SLC39A11: variants seen among roughly 807,000 people sequenced by gnomAD.
The protein encoded by SLC39A11 is zinc transporter ZIP11.
SLC39A11 carries 33 observed loss-of-function variants against 36.1 expected under a neutral mutation model. That is an observed-to-expected ratio of 0.91 (90% confidence interval 0.69 to 1.22). The LOEUF (loss-of-function observed/expected upper bound fraction) is 1.22. Ranked by LOEUF, SLC39A11 falls within the 50% of genes most tolerant of loss-of-function variation. The pLI, the probability that SLC39A11 is intolerant of heterozygous loss-of-function variation, is 0.00. For missense variants in SLC39A11, 432 were observed against 430.3 expected, an observed-to-expected ratio of 1.00 and a Z score of -0.03; for synonymous variants, 166 against 170.3, an observed-to-expected ratio of 0.97 and a Z score of 0.20.
chr17:72,700,249 C>A (rs1398853143), intron 7 of SLC39A11, among the ~76,000 whole-genome samples: 2 of 152,172 alleles, frequency 1.3e-5, no homozygotes, highest in Middle Eastern at 3.2e-3. Flanking sequence ...AACTTGACTG[C>A]AATTTTATTT....
At chr17:73,029,140 G>T (rs2058662654) in intron 4 of SLC39A11, among the ~76,000 whole-genome samples, 1 of 149,404 alleles carries the variant, frequency 6.7e-6, no homozygotes, top group Admixed American at 6.7e-5. Context: ...AAAAATTACT[G>T]CTGCATAGTG....
intron 5 of SLC39A11, among the ~76,000 whole-genome samples, chr17:72,926,157 C>A (rs2084036652): frequency 6.6e-6 from 1 of 152,194 alleles, no homozygotes; most frequent in African/African-American, 2.4e-5. Context: ...TGAGTAAATT[C>A]CATCATCTTT....
intron 6 of SLC39A11, among the ~76,000 whole-genome samples, chr17:72,773,009 T>C (rs1227407142): frequency 2.6e-5 from 4 of 151,996 alleles, no homozygotes; most frequent in Non-Finnish European, 5.9e-5. Context: ...TCACTTGAAC[T>C]TGGGAGGTGG....
At chr17:72,992,025 C>A (rs1235393893) in intron 4 of SLC39A11, among the ~76,000 whole-genome samples, 1 of 152,154 alleles carries the variant, frequency 6.6e-6, no homozygotes. Context: ...AACCTTTTCT[C>A]ATTTTTTTTG....
chr17:72,823,497 C>T (rs561776581), intron 6 of SLC39A11: 8 of 151,252 alleles, frequency 5.3e-5, no homozygotes, highest in Non-Finnish European at 7.4e-5. Context: ...GATGTTCCCA[C>T]GCTGCATATG....
chr17:72,847,423 A>G (rs932980281), intron 6 of SLC39A11, among the ~76,000 whole-genome samples: 1 of 137,448 alleles, frequency 7.3e-6, no homozygotes, highest in Non-Finnish European at 1.6e-5. Context: ...AAAAAAAAAA[A>G]TTGGAAAACC....
intron 6 of SLC39A11, among the ~76,000 whole-genome samples, chr17:72,799,790 A>AC (rs975072233): frequency 2.7e-4 from 38 of 140,146 alleles, no homozygotes; most frequent in Non-Finnish European, 1.5e-4. Flanking sequence ...CTGAACACAG[A>AC]CCCTTCTCGG....
chr17:72,949,950 G>GACACACACAC, intron 4 of SLC39A11, among the ~76,000 whole-genome samples: 1 of 146,252 alleles, frequency 6.8e-6, no homozygotes, highest in African/African-American at 2.5e-5. Context: ...AGGCTGCTGT[G>GACACACACAC]ACACACACAC....
intron 5 of SLC39A11, among the ~76,000 whole-genome samples, chr17:72,900,651 G>A (rs2082347974): frequency 6.6e-6 from 1 of 151,422 alleles, no homozygotes; most frequent in Non-Finnish European, 1.5e-5. Context: ...AAAGGGATTT[G>A]TGAGGGGGGC....
At chr17:72,946,061 T>C (rs558984108) in intron 5 of SLC39A11, among the ~76,000 whole-genome samples, 26 of 152,256 alleles carry the variant, frequency 1.7e-4, no homozygotes, top group African/African-American at 6.3e-4. Flanking sequence ...TTAGTGAAAA[T>C]AGACAGAAAA....
rs143691053 is a variant in SLC39A11, at chr17:72,788,782, C to T, written c.602-52063G>A. 4.4e-3 allele frequency among the ~76,000 whole-genome samples: 668 copies of T among 152,302 alleles called. 5 individuals are homozygous for T. The highest frequency in any genetic ancestry group is 7.8e-3 in the Admixed American group (120 of 15,298). On this transcript the variant is annotated intron_variant, in intron 6 of 9. Coordinates refer to ENST00000255559, the MANE Select transcript of SLC39A11 (RefSeq NM_139177.4). ...ACAATACTAGAGGCAGGGGCCCCAACCCCAAAGGCTGGGATCAGATGCTGT... is the reference window on the plus strand; with the variant it reads ...ACAATACTAGAGGCAGGGGCCCCAATCCCAAAGGCTGGGATCAGATGCTGT...
chr17:72,897,314 C>T (rs1316289736), intron 5 of SLC39A11, among the ~76,000 whole-genome samples: 1 of 152,152 alleles, frequency 6.6e-6, no homozygotes, highest in East Asian at 1.9e-4. Flanking sequence ...AAGCCACATG[C>T]AGTCATCTAA....
chr17:73,020,687 T>TTTTC lies in SLC39A11; in HGVS notation c.306+10868_306+10869insGAAA, dbSNP rs1458218878. On this transcript the variant is annotated intron_variant, in intron 4 of 9. Transcript: ENST00000255559. ...GGGTCTTTTTGTTTCTTTCTTTTTT[T>TTTTC]TTTTTTTTTTTTTTGAGACGGAGTC... is the stretch of plus-strand genomic sequence containing the variant. Among the ~76,000 whole-genome samples the TTTTC allele has an allele frequency of 6.6e-5, 8 of 121,810 alleles. No homozygotes were observed. In the East Asian group the frequency reaches 1.8e-3, roughly 27 times the overall value. The allele number at this position is 121,810 out of a possible 152,430, so 79.9% of individuals were successfully genotyped here.
chr17:73,063,630 T>C (rs2059912834), intron 3 of SLC39A11, among the ~76,000 whole-genome samples: 1 of 151,842 alleles, frequency 6.6e-6, no homozygotes, highest in South Asian at 2.1e-4. Context: ...AAAATTAAAA[T>C]TAAAATTAAA....
chr17:72,785,636 A>G lies in SLC39A11; in HGVS notation c.602-48917T>C, dbSNP rs117166076. Among the ~76,000 whole-genome samples the G allele has an allele frequency of 8.9e-3, 1,352 of 152,324 alleles. 45 individuals carry two copies. The highest frequency in any genetic ancestry group is 0.073 in the East Asian group (377 of 5,170). ...AGGGCACAATTATCAGAGAGGACGT[A>G]GGAAGGGAAGGTGGAAGGGCTTTAG... On this transcript the variant is annotated intron_variant, in intron 6 of 9. Coordinates refer to ENST00000255559, the MANE Select transcript of SLC39A11 (RefSeq NM_139177.4).
intron 5 of SLC39A11, among the ~76,000 whole-genome samples, chr17:72,894,668 T>TGAA (rs758642723): frequency 3.0e-4 from 13 of 43,742 alleles, no homozygotes; most frequent in Admixed American, 1.1e-3. Context: ...AGACCCTGTC[T>TGAA]CAAAAAAAAA....
chr17:72,693,913 C>A (rs911415950), intron 7 of SLC39A11, among the ~76,000 whole-genome samples: 2 of 152,178 alleles, frequency 1.3e-5, no homozygotes, highest in African/African-American at 4.8e-5. Flanking sequence ...CCACCCGCCT[C>A]GGCCTCCCAA....
chr17:72,685,057 C>A (rs1234660958), intron 7 of SLC39A11, among the ~76,000 whole-genome samples: 1 of 152,206 alleles, frequency 6.6e-6, no homozygotes, highest in African/African-American at 2.4e-5. Context: ...CGATTCAACT[C>A]CACTGAGTAG....
At chr17:72,717,110 G>GTA (rs201372315) in intron 7 of SLC39A11, among the ~76,000 whole-genome samples, 188 of 139,286 alleles carry the variant, frequency 1.3e-3, no homozygotes, top group African/African-American at 5.1e-3. Flanking sequence ...ATATGTGTAT[G>GTA]TATATATGTA....
Sources: gnomAD v4.1 joint callset for allele counts (sites outside exome capture counted in the v4.1 genomes callset) on GRCh38, gnomAD v4.1.1 for gene constraint, MANE v1.5 for transcripts, NCBI Gene and HGNC (gene_info 2026-07-23, HGNC 2026-07-21) for gene names.